The following SMAP1 variants were observed in gnomAD, a reference collection of about 807,000 sequenced individuals.
SMAP1 encodes the protein stromal membrane-associated protein 1.
A neutral mutation model predicts 58.5 loss-of-function variants in SMAP1; 24 were observed. That is an observed-to-expected ratio of 0.41 (90% CI 0.30 to 0.58). SMAP1 has a LOEUF of 0.58. Ranked by LOEUF, SMAP1 falls within the 20% of genes least tolerant of loss-of-function variation. The pLI is 0.29. For missense variants in SMAP1, 563 were observed against 566.3 expected (o/e 0.99, Z 0.06); for synonymous variants, 216 against 196.6 (o/e 1.10, Z -0.82).
chr6:70,688,756 T>TC (rs1433107677), intron 1 of SMAP1, among the ~76,000 whole-genome samples: 3 of 152,138 alleles, frequency 2.0e-5, no homozygotes, highest in African/African-American at 7.2e-5. Flanking sequence ...CTTCACATGG[T>TC]CTTGCATAGA....
At chr6:70,745,245 G>C (rs1271022310) in intron 2 of SMAP1, among the ~76,000 whole-genome samples, 4 of 152,148 alleles carry the variant, frequency 2.6e-5, no homozygotes, top group African/African-American at 9.7e-5. Context: ...TGAAGTCCTT[G>C]CCCATGCCTA....
intron 6 of SMAP1, among the ~76,000 whole-genome samples, chr6:70,799,319 G>A (rs896998041): frequency 2.6e-5 from 4 of 152,108 alleles, no homozygotes; most frequent in East Asian, 1.9e-4. Context: ...TTGGGGGGAG[G>A]AAAGGCTGTG....
At chr6:70,794,788 CTTTTTTT>C (rs34050089) in intron 5 of SMAP1, among the ~76,000 whole-genome samples, 36 of 114,974 alleles carry the variant, frequency 3.1e-4, no homozygotes, top group African/African-American at 1.1e-3. Flanking sequence ...ATTTTCTTTT[CTTTTTTT>C]TTTTTTTTTT....
At chr6:70,832,809 T>G (rs1770416093) in intron 6 of SMAP1, among the ~76,000 whole-genome samples, 1 of 152,152 alleles carries the variant, frequency 6.6e-6, no homozygotes, top group African/African-American at 2.4e-5. Context: ...TTCATGAGAG[T>G]AGAGCCCTCC....
At chr6:70,764,883 CT>C (rs1384909417) in intron 3 of SMAP1, among the ~76,000 whole-genome samples, 1 of 152,180 alleles carries the variant, frequency 6.6e-6, no homozygotes, top group Non-Finnish European at 1.5e-5. Flanking sequence ...CACTGCACCC[CT>C]GACTTTCCAG....
At chr6:70,846,249 A>G (rs1167288906) in intron 7 of SMAP1, among the ~76,000 whole-genome samples, 1 of 152,196 alleles carries the variant, frequency 6.6e-6, no homozygotes, top group Non-Finnish European at 1.5e-5. Flanking sequence ...GTTTTCCGCC[A>G]TGGCTCTGCT....
rs1771152716 is a variant in SMAP1, at chr6:70,850,709, T to C, written c.665-1831T>C. ...CCACTGGCTTATATGTCATTATTAT[T>C]GGACTTCCTTTACTGAAGTGTAGAT... On this transcript the variant is annotated intron_variant, in intron 7 of 10. Transcript: ENST00000370455. Among the ~76,000 whole-genome samples, 6 of 152,126 alleles carry C rather than the reference T, an allele frequency of 3.9e-5. No individual in the cohort carries two copies. In the South Asian group the frequency reaches 1.2e-3, roughly 31 times the overall value.
intron 1 of SMAP1, among the ~76,000 whole-genome samples, chr6:70,719,065 TA>T (rs1768400401): frequency 6.6e-6 from 1 of 152,164 alleles, no homozygotes. Flanking sequence ...TTTTTGGAGT[TA>T]AAGGTTTGAT....
chr6:70,706,255 A>G (rs901878780), intron 1 of SMAP1, among the ~76,000 whole-genome samples: 3 of 152,180 alleles, frequency 2.0e-5, no homozygotes, highest in Admixed American at 6.5e-5. Flanking sequence ...TTTTTGTTTT[A>G]TATGATACAA....
intron 4 of SMAP1, 110 bp from the exon 5 acceptor site, chr6:70,791,579 G>A: frequency 1.3e-6 from 1 of 780,790 alleles, no homozygotes; most frequent in Non-Finnish European, 2.0e-6. Context: ...ATGCCTCTAA[G>A]TGCTTCTATA....
intron 2 of SMAP1, among the ~76,000 whole-genome samples, chr6:70,746,123 GA>G (rs1766022111): frequency 6.6e-6 from 1 of 152,116 alleles, no homozygotes; most frequent in Admixed American, 6.6e-5. Context: ...TGCAAATGGG[GA>G]CAGTTTGACT....
chr6:70,688,216 C>A (rs1767010222), intron 1 of SMAP1, among the ~76,000 whole-genome samples: 1 of 152,090 alleles, frequency 6.6e-6, no homozygotes, highest in Non-Finnish European at 1.5e-5. Context: ...TGAAGGACCT[C>A]TGGACTGTTT....
At chr6:70,738,350 CAA>C (rs1368293258) in intron 2 of SMAP1, among the ~76,000 whole-genome samples, 1 of 150,818 alleles carries the variant, frequency 6.6e-6, no homozygotes, top group Non-Finnish European at 1.5e-5. Context: ...TCACATAAGT[CAA>C]AAGAGTGTGA....
At chr6:70,854,061 A>G (rs1302699115) in intron 8 of SMAP1, among the ~76,000 whole-genome samples, 1 of 152,190 alleles carries the variant, frequency 6.6e-6, no homozygotes, top group Non-Finnish European at 1.5e-5. Context: ...AACAATGCAG[A>G]CTTCGTTTAA....
At chr6:70,764,922 C>G (rs1290636225) in intron 3 of SMAP1, among the ~76,000 whole-genome samples, 1 of 152,164 alleles carries the variant, frequency 6.6e-6, no homozygotes, top group Admixed American at 6.5e-5. Flanking sequence ...ACCTCAGCGT[C>G]CTGAGTATTT....
intron 1 of SMAP1, among the ~76,000 whole-genome samples, chr6:70,729,720 T>A (rs1765350026): frequency 6.6e-6 from 1 of 152,176 alleles, no homozygotes; most frequent in Non-Finnish European, 1.5e-5. Context: ...TGTCAGTTCT[T>A]CCTGGTGATT....
chr6:70,710,067 T>C (rs1252024735), intron 1 of SMAP1, among the ~76,000 whole-genome samples: 3 of 152,302 alleles, frequency 2.0e-5, no homozygotes, highest in African/African-American at 4.8e-5. Flanking sequence ...TGTCATGGTA[T>C]AGCCTATTGC....
chr6:70,702,570 C>G (rs1298936274), intron 1 of SMAP1, among the ~76,000 whole-genome samples: 4 of 151,940 alleles, frequency 2.6e-5, no homozygotes, highest in Admixed American at 2.6e-4. Context: ...TGTGTCCACA[C>G]ACACATGCAC....
chr6:70,825,950 G>C (rs1770096398), intron 6 of SMAP1, among the ~76,000 whole-genome samples: 1 of 152,158 alleles, frequency 6.6e-6, no homozygotes, highest in Non-Finnish European at 1.5e-5. Context: ...TTATGTTTGT[G>C]TCCATGTGCA....
Sources: allele counts gnomAD v4.1 joint callset (sites outside exome capture counted in the v4.1 genomes callset), GRCh38; gene constraint gnomAD v4.1.1; transcripts MANE v1.5; gene names NCBI Gene and HGNC (gene_info 2026-07-23, HGNC 2026-07-21).